HPSE2: variants seen among roughly 807,000 people sequenced by gnomAD.
HPSE2 encodes inactive heparanase-2.
HPSE2 carries 38 observed loss-of-function variants against 60.5 expected under a neutral mutation model. That is an observed-to-expected ratio of 0.63 (90% CI 0.48 to 0.82). The LOEUF (loss-of-function observed/expected upper bound fraction) is 0.82, where lower values mean the gene tolerates loss of function less well. HPSE2 is among the 40% of genes least tolerant of loss of function. HPSE2 has a pLI of 0.00. For synonymous variants in HPSE2, 295 were observed against 293.2 expected, an observed-to-expected ratio of 1.01 and a Z score of -0.06; for missense variants, 713 against 740.4, an observed-to-expected ratio of 0.96 and a Z score of 0.43.
intron 3 of HPSE2, among the ~76,000 whole-genome samples, chr10:99,032,033 C>T (rs534647871): frequency 6.6e-6 from 1 of 152,292 alleles, no homozygotes; most frequent in African/African-American, 2.4e-5. Context: ...GTTTGAATGT[C>T]TACATCAATC....
At chr10:98,534,430 G>A (rs904598260) in intron 9 of HPSE2, among the ~76,000 whole-genome samples, 2 of 151,454 alleles carry the variant, frequency 1.3e-5, no homozygotes, top group South Asian at 2.1e-4. Flanking sequence ...TTGAGGCAGA[G>A]TTTCACTCTT....
intron 9 of HPSE2, among the ~76,000 whole-genome samples, chr10:98,591,104 G>A (rs1390989130): frequency 7.9e-6 from 1 of 126,630 alleles, no homozygotes; most frequent in African/African-American, 2.7e-5. Flanking sequence ...TTTAGATACA[G>A]GAAGAACGGT....
chr10:99,178,174 C>G (rs1041186284), intron 2 of HPSE2, among the ~76,000 whole-genome samples: 1 of 151,612 alleles, frequency 6.6e-6, no homozygotes, highest in Non-Finnish European at 1.5e-5. Flanking sequence ...TGGGAAAGAT[C>G]TAAAATCAAC....
intron 6 of HPSE2, among the ~76,000 whole-genome samples, chr10:98,662,302 C>A (rs187699729): frequency 6.6e-6 from 1 of 152,262 alleles, no homozygotes; most frequent in Admixed American, 6.5e-5. Flanking sequence ...ACACATTAGA[C>A]TGAGAAGACC....
At chr10:99,059,816 T>C (rs890637057) in intron 3 of HPSE2, among the ~76,000 whole-genome samples, 2 of 152,202 alleles carry the variant, frequency 1.3e-5, no homozygotes, top group Non-Finnish European at 2.9e-5. Context: ...CATAAGCTGA[T>C]AGAGCTAATA....
chr10:98,957,131 A>C (rs1017501641), intron 3 of HPSE2, among the ~76,000 whole-genome samples: 2 of 152,170 alleles, frequency 1.3e-5, no homozygotes, highest in East Asian at 3.8e-4. Context: ...ATTCCCCCAT[A>C]AAGATGCTTA....
chr10:99,154,859 A>T (rs1321748354), intron 2 of HPSE2, among the ~76,000 whole-genome samples: 26 of 151,840 alleles, frequency 1.7e-4, no homozygotes, highest in South Asian at 6.3e-4. Context: ...AGGAAACCCA[A>T]CTCACGTGCA....
intron 9 of HPSE2, among the ~76,000 whole-genome samples, chr10:98,576,196 A>C (rs1416786180): frequency 1.3e-5 from 2 of 152,160 alleles, no homozygotes; most frequent in Non-Finnish European, 2.9e-5. Context: ...AAAATAATGA[A>C]AGGTGTCATG....
At chr10:99,255,287 A>G in the HPSE2 span, among the ~76,000 whole-genome samples, 3 of 152,192 alleles carry the variant, frequency 2.0e-5, no homozygotes, top group South Asian at 6.2e-4. Flanking sequence ...ATTCTAACAA[A>G]CATTTAAGGG....
At chr10:99,021,532 G>A (rs764671984) in intron 3 of HPSE2, among the ~76,000 whole-genome samples, 2 of 151,616 alleles carry the variant, frequency 1.3e-5, no homozygotes, top group Non-Finnish European at 2.9e-5. Context: ...CTCGCTAAGG[G>A]TCCTACTCTA....
intron 2 of HPSE2, among the ~76,000 whole-genome samples, chr10:99,180,005 T>C (rs1847695085): frequency 6.6e-6 from 1 of 152,120 alleles, no homozygotes; most frequent in Admixed American, 6.5e-5. Context: ...AAACAAGAAA[T>C]GGGGAAAGGA....
At chr10:99,194,316 A>G (rs951009358) in intron 2 of HPSE2, among the ~76,000 whole-genome samples, 3 of 151,996 alleles carry the variant, frequency 2.0e-5, no homozygotes, top group Non-Finnish European at 4.4e-5. Flanking sequence ...CCTACATCAA[A>G]AAAAGTAGAA....
chr10:98,553,511 C>A (rs1943918503), intron 9 of HPSE2, among the ~76,000 whole-genome samples: 1 of 152,140 alleles, frequency 6.6e-6, no homozygotes, highest in Non-Finnish European at 1.5e-5. Flanking sequence ...AAAGAGCTCA[C>A]CTCCTCCCCA....
chr10:99,154,964 T>C (rs1846470685), intron 2 of HPSE2, among the ~76,000 whole-genome samples: 2 of 151,172 alleles, frequency 1.3e-5, no homozygotes, highest in Admixed American at 1.3e-4. Context: ...TAGTCTCTCA[T>C]AAAACAGACT....
chr10:99,064,002 A>T (rs1263200951), intron 3 of HPSE2, among the ~76,000 whole-genome samples: 2 of 152,208 alleles, frequency 1.3e-5, no homozygotes, highest in Non-Finnish European at 2.9e-5. Flanking sequence ...CTGAGGCAGG[A>T]GAATTGCTTG....
At chr10:99,012,418 C>T (rs1379645877) in intron 3 of HPSE2, among the ~76,000 whole-genome samples, 1 of 151,696 alleles carries the variant, frequency 6.6e-6, no homozygotes, top group African/African-American at 2.4e-5. Context: ...CAATATCATG[C>T]TTTTTCCTTT....
chr10:98,462,469 G>A (rs908930487), intron 11 of HPSE2, among the ~76,000 whole-genome samples: 6 of 152,256 alleles, frequency 3.9e-5, no homozygotes, highest in East Asian at 3.9e-4. Context: ...ATGAGCCACC[G>A]TGTCTGACCT....
chr10:99,123,086 A>G (rs1226621649), intron 3 of HPSE2, among the ~76,000 whole-genome samples: 1 of 152,200 alleles, frequency 6.6e-6, no homozygotes, highest in African/African-American at 2.4e-5. Context: ...AATGTTATAT[A>G]CTTATACACA....
At chr10:98,976,127 A>G (rs1462296133) in intron 3 of HPSE2, among the ~76,000 whole-genome samples, 1 of 152,064 alleles carries the variant, frequency 6.6e-6, no homozygotes, top group Non-Finnish European at 1.5e-5. Context: ...TCTGAGATAG[A>G]CTTTTGGTAT....
Sources: allele counts gnomAD v4.1 joint callset (sites outside exome capture counted in the v4.1 genomes callset), GRCh38; gene constraint gnomAD v4.1.1; transcripts MANE v1.5; gene names NCBI Gene and HGNC (gene_info 2026-07-23, HGNC 2026-07-21).